Variants in AP2A2 observed in about 807,000 individuals in gnomAD.
AP2A2 encodes adaptor related protein complex 2 subunit alpha 2, also known as AP-2 complex subunit alpha-2.
Under a neutral mutation model 104.2 loss-of-function variants are expected in AP2A2, and 32 were observed. The observed-to-expected ratio is 0.31, with a 90% confidence interval of 0.23 to 0.41. The LOEUF (loss-of-function observed/expected upper bound fraction) is 0.41, where lower values mean the gene tolerates loss of function less well. AP2A2 is among the 10% of genes least tolerant of loss of function. AP2A2 has a pLI of 1.00. For missense variants in AP2A2, 912 were observed against 1,261.0 expected (o/e 0.72, Z 4.19); for synonymous variants, 539 against 533.3 (o/e 1.01, Z -0.15).
At chr11:958,379 G>A (rs1304366149) in intron 1 of AP2A2, among the ~76,000 whole-genome samples, 4 of 152,206 alleles carry the variant, frequency 2.6e-5, no homozygotes, top group African/African-American at 9.6e-5. Context: ...AGCAGACTAA[G>A]GGACCTGTAG....
At chr11:1,006,796 G>T (rs1286382567) in intron 17 of AP2A2, 179 bp downstream of exon 17, 2 of 583,670 alleles carry the variant, frequency 3.4e-6, no homozygotes, top group Non-Finnish European at 6.0e-6. Context: ...AGGAAAACAG[G>T]CAGTCTTCCA....
At chr11:997,410 G>A (rs780640236) in intron 14 of AP2A2, among the ~76,000 whole-genome samples, 7 of 152,176 alleles carry the variant, frequency 4.6e-5, no homozygotes, top group Non-Finnish European at 7.4e-5. Context: ...GTGAACTGGT[G>A]TGGCCCAGGA....
intron 1 of AP2A2, among the ~76,000 whole-genome samples, chr11:937,406 C>T (rs1317653710): frequency 6.6e-6 from 1 of 152,158 alleles, no homozygotes; most frequent in African/African-American, 2.4e-5. Flanking sequence ...TGTCAGATCT[C>T]TGCCATCTTC....
At position 968,419 on chromosome 11, in the gene AP2A2, T is replaced by G. The variant is rs1854695307; in HGVS notation, c.137-1750T>G. Among the ~76,000 whole-genome samples the G allele has an allele frequency of 6.6e-6, 1 of 151,920 alleles. No individual in the cohort carries two copies. The highest frequency in any genetic ancestry group is 1.5e-5 in the Non-Finnish European group (1 of 67,990). ...TCCTCTCGGAGAGAGCCTGTCTCCG[T>G]CTCCGCCCCTGTTCCCATCCCCGTC... is the stretch of plus-strand genomic sequence containing the variant. On this transcript the variant is annotated intron_variant, in intron 2 of 21. Transcript: ENST00000448903. The surrounding 1 kb of genome is among the most constrained non-coding windows in gnomAD (Gnocchi z 4.2).
intron 5 of AP2A2, among the ~76,000 whole-genome samples, chr11:978,988 A>G (rs1055314651): frequency 6.6e-6 from 1 of 152,004 alleles, no homozygotes; most frequent in Non-Finnish European, 1.5e-5. Context: ...TGGAGCAGAC[A>G]GGTTGGAGTG....
rs1854694367 is a variant in AP2A2 at position 968,396 on chromosome 11, CT to C, written c.137-1772del. Among the ~76,000 whole-genome samples the C allele has an allele frequency of 6.6e-6, 1 of 152,126 alleles. No homozygotes were observed. The highest frequency in any genetic ancestry group is 6.6e-5 in the Admixed American group (1 of 15,264). ...CGCGGGAGCAGAGGCTGGTCGGCTC[CT>C]CTCGGAGAGAGCCTGTCTCCGTCTC... On this transcript the variant is annotated intron_variant, in intron 2 of 21. Coordinates refer to ENST00000448903, the MANE Select transcript of AP2A2 (RefSeq NM_012305.4). This position sits in a 1 kb window ranked among gnomAD's most constrained non-coding sequence, Gnocchi z 4.2.
intron 15 of AP2A2, among the ~76,000 whole-genome samples, chr11:1,002,236 C>T (rs117080013): frequency 0.022 from 3,294 of 152,342 alleles, 50 homozygotes; most frequent in Middle Eastern, 0.071. Flanking sequence ...CTCCGTGGCC[C>T]CTCGCGTGGA....
chr11:955,816 C>T (rs1197987282), intron 1 of AP2A2, among the ~76,000 whole-genome samples: 1 of 152,130 alleles, frequency 6.6e-6, no homozygotes, highest in Non-Finnish European at 1.5e-5. Context: ...GTGGGGGAGG[C>T]AAGATCAGTT....
chr11:1,010,893 TA>T lies in AP2A2; in HGVS notation c.*271del. 1.5e-6 allele frequency: 1 copy of T among 654,106 alleles called. No homozygotes were observed. 40.5% of individuals were successfully genotyped at this position (654,106 alleles called of 1,614,324 possible). A position where few individuals can be genotyped will look rare whatever the true frequency, so the allele number is the denominator to read the frequency against. ...ATAAAAATCGAGACAGTTCTGTGGT[TA>T]AATCTACAAATTAAAGGGAAATTAG... On this transcript the variant is annotated 3_prime_UTR_variant, in exon 22 of 22. Coordinates refer to ENST00000448903, the MANE Select transcript of AP2A2 (RefSeq NM_012305.4).
intron 4 of AP2A2, among the ~76,000 whole-genome samples, chr11:974,885 T>C (rs909403363): frequency 6.6e-6 from 1 of 151,358 alleles, no homozygotes; most frequent in African/African-American, 2.4e-5. Flanking sequence ...CTCAGGAGGC[T>C]GAGGCAGGAG....
intron 1 of AP2A2, among the ~76,000 whole-genome samples, chr11:934,421 C>T (rs1853388179): frequency 6.6e-6 from 1 of 152,168 alleles, no homozygotes; most frequent in Non-Finnish European, 1.5e-5. Context: ...CCACTGCGCC[C>T]AGCCCTTTCC....
intron 2 of AP2A2, among the ~76,000 whole-genome samples, chr11:969,129 G>A (rs546894155): frequency 6.6e-6 from 1 of 150,990 alleles, no homozygotes; most frequent in African/African-American, 2.4e-5. Context: ...CACCTTTCTC[G>A]CTCGCCTCCA....
chr11:959,376 G>A, intron 1 of AP2A2, 61 bp from the exon 2 acceptor site: 4 of 1,163,524 alleles, frequency 3.4e-6, no homozygotes, highest in South Asian at 2.6e-5. Flanking sequence ...GTCTTATCAG[G>A]GAAATGGTGT....
intron 9 of AP2A2, among the ~76,000 whole-genome samples, chr11:988,036 G>A (rs887433030): frequency 6.6e-6 from 1 of 152,250 alleles, no homozygotes; most frequent in Non-Finnish European, 1.5e-5. Context: ...ATTTGCACAC[G>A]GCCAGTGCTA....
chr11:936,770 C>G (rs1407400462), intron 1 of AP2A2, among the ~76,000 whole-genome samples: 1 of 152,058 alleles, frequency 6.6e-6, no homozygotes, highest in African/African-American at 2.4e-5. Context: ...TATTCTTGAG[C>G]TTGGTTCTGG....
chr11:1,011,985 C>A lies in AP2A2; in HGVS notation c.*1360C>A. 1 of 160,232 alleles carries A rather than the reference C, an allele frequency of 6.2e-6. No homozygotes were observed. Among genetic ancestry groups the A allele is most frequent in the Non-Finnish European group, 1.4e-5 (1 of 73,588 alleles). The allele number at this position is 160,232 out of a possible 1,614,324, so 9.9% of individuals were successfully genotyped here. On this transcript the variant is annotated 3_prime_UTR_variant, in exon 22 of 22. Transcript: ENST00000448903. The stretch of plus-strand genomic sequence containing the variant: ...TTCTGGGTCTGGTGGTGCCAGGTGC[C>A]GTGACACGCCGTGCTGGGCTTGTGC...
intron 4 of AP2A2, among the ~76,000 whole-genome samples, chr11:975,324 C>T (rs1248963216): frequency 6.7e-6 from 1 of 150,178 alleles, no homozygotes; most frequent in African/African-American, 2.5e-5. Flanking sequence ...CCTCGGTCTC[C>T]CTCGTGTGAG....
chr11:929,896 C>T (rs1466728285), intron 1 of AP2A2, among the ~76,000 whole-genome samples: 2 of 151,792 alleles, frequency 1.3e-5, no homozygotes, highest in South Asian at 2.1e-4. Flanking sequence ...CTGAGGTGGG[C>T]GGATCACCTG....
At chr11:1,007,954 G>A (rs1303203194) in intron 17 of AP2A2, 58 bp from the exon 18 acceptor site, 24 of 1,550,336 alleles carry the variant, frequency 1.5e-5, no homozygotes, top group South Asian at 1.3e-4. Context: ...GCTCTAGCCC[G>A]GCCCGTTTCC....
Sources: gnomAD v4.1 joint callset for allele counts (sites outside exome capture counted in the v4.1 genomes callset) on GRCh38, gnomAD v4.1.1 for gene constraint, Gnocchi (gnomAD v3.1) non-coding constraint, MANE v1.5 for transcripts, NCBI Gene and HGNC (gene_info 2026-07-23, HGNC 2026-07-21) for gene names.